Variants in IPCEF1 observed in about 807,000 individuals in gnomAD.
IPCEF1 encodes interaction protein for cytohesin exchange factors 1.
Under a neutral mutation model 50.9 loss-of-function variants are expected in IPCEF1, and 31 were observed. That is an observed-to-expected ratio of 0.61 (90% CI 0.46 to 0.82). The LOEUF (loss-of-function observed/expected upper bound fraction) is 0.82, where lower values mean the gene tolerates loss of function less well. Among genes scored for constraint, IPCEF1 ranks in the 40% least tolerant of loss-of-function variants. The probability of loss-of-function intolerance (pLI) is 0.00; values close to 1 mark genes in which losing one functional copy is unlikely to be tolerated. For synonymous variants in IPCEF1, 181 were observed against 192.0 expected, an observed-to-expected ratio of 0.94 and a Z score of 0.47; for missense variants, 458 against 514.0, an observed-to-expected ratio of 0.89 and a Z score of 1.05.
chr6:154,250,575 T>TGGAAATATACAAAAGACCCAGTA (rs1304879790), intron 3 of IPCEF1, among the ~76,000 whole-genome samples: 1 of 152,184 alleles, frequency 6.6e-6, no homozygotes, highest in East Asian at 1.9e-4. Flanking sequence ...CAAAAACACA[T>TGGAAATATACAAAAGACCCAGTA]GGAAATATAC....
chr6:154,233,491 T>G (rs12213815), intron 5 of IPCEF1, among the ~76,000 whole-genome samples: 1 of 152,188 alleles, frequency 6.6e-6, no homozygotes, highest in African/African-American at 2.4e-5. Context: ...CCAGAGAGAC[T>G]TTTTTCTTAC....
chr6:154,315,483 A>G (rs1783192841), intron 1 of IPCEF1, among the ~76,000 whole-genome samples: 1 of 152,242 alleles, frequency 6.6e-6, no homozygotes, highest in South Asian at 2.1e-4. Flanking sequence ...TATGGAGTTC[A>G]GTGTCAAGAT....
intron 5 of IPCEF1, among the ~76,000 whole-genome samples, chr6:154,225,489 CA>C (rs1177164941): frequency 6.6e-6 from 1 of 152,172 alleles, no homozygotes; most frequent in East Asian, 1.9e-4. Flanking sequence ...AAACCAGACA[CA>C]AAAGCTCATC....
At chr6:154,300,690 C>T (rs926211197) in intron 1 of IPCEF1, among the ~76,000 whole-genome samples, 1 of 152,074 alleles carries the variant, frequency 6.6e-6, no homozygotes, top group Non-Finnish European at 1.5e-5. Flanking sequence ...TCCGCCACCC[C>T]CCAAAAAACA....
intron 6 of IPCEF1, 75 bp downstream of exon 6, chr6:154,223,095 C>G (rs1389008937): frequency 8.5e-7 from 1 of 1,172,740 alleles, no homozygotes; most frequent in Non-Finnish European, 1.3e-6. Flanking sequence ...TTCTAAATCA[C>G]CATATCCCTT....
chr6:154,311,351 C>T (rs1783073324), intron 1 of IPCEF1, among the ~76,000 whole-genome samples: 2 of 152,150 alleles, frequency 1.3e-5, no homozygotes, highest in Non-Finnish European at 2.9e-5. Flanking sequence ...AACCCCTTGC[C>T]TCTTTTAATC....
At chr6:154,163,939 G>A (rs1799224269) in intron 11 of IPCEF1, among the ~76,000 whole-genome samples, 1 of 152,074 alleles carries the variant, frequency 6.6e-6, no homozygotes, top group African/African-American at 2.4e-5. Flanking sequence ...GAAAGCAGAG[G>A]GATTGTTTAT....
intron 3 of IPCEF1, among the ~76,000 whole-genome samples, chr6:154,259,590 T>G (rs1055172176): frequency 2.0e-5 from 3 of 152,158 alleles, no homozygotes; most frequent in African/African-American, 7.2e-5. Context: ...AGGCAGAGGT[T>G]GTGGTGAACC....
intron 2 of IPCEF1, among the ~76,000 whole-genome samples, chr6:154,283,652 T>C (rs902720811): frequency 1.3e-5 from 2 of 152,246 alleles, no homozygotes; most frequent in African/African-American, 4.8e-5. Flanking sequence ...GAATATGTCT[T>C]GTGAAATTTC....
At chr6:154,288,648 C>T (rs1782426225) in intron 2 of IPCEF1, among the ~76,000 whole-genome samples, 1 of 118,062 alleles carries the variant, frequency 8.5e-6, no homozygotes, top group Non-Finnish European at 1.7e-5. Flanking sequence ...GGAGACAGAG[C>T]AAGACTCTGT....
At chr6:154,246,991 C>T (rs112739360) in intron 4 of IPCEF1, 2 of 484,308 alleles carry the variant, frequency 4.1e-6, no homozygotes, top group African/African-American at 2.0e-5. Context: ...TTGTTTCATG[C>T]TTAGAAGGTA....
At chr6:154,266,231 A>G (rs935325596) in intron 2 of IPCEF1, among the ~76,000 whole-genome samples, 1 of 152,028 alleles carries the variant, frequency 6.6e-6, no homozygotes, top group Middle Eastern at 3.4e-3. Flanking sequence ...TAAAAGAAAA[A>G]AAACATAGCC....
intron 10 of IPCEF1, among the ~76,000 whole-genome samples, chr6:154,172,097 C>T (rs1249284316): frequency 6.6e-6 from 1 of 152,080 alleles, no homozygotes; most frequent in Non-Finnish European, 1.5e-5. Context: ...AATTGAGCCA[C>T]TAAAAGAAAA....
chr6:154,162,066 C>T lies in IPCEF1; in HGVS notation c.1105-2026G>A, dbSNP rs546185477. ...ACTTCTCCCAAGTTCCTATTGCCCA[C>T]GAACTACATGGATGCAAATCTATGC... On this transcript the variant is annotated intron_variant, in intron 11 of 11. Transcript: ENST00000367220. Among the ~76,000 whole-genome samples, 163 of 152,312 alleles carry T rather than the reference C, an allele frequency of 1.1e-3. 2 individuals are homozygous for T. Among genetic ancestry groups the T allele is most frequent in the African/African-American group, 3.8e-3 (158 of 41,562 alleles).
chr6:154,345,467 C>G (rs1314547035), intron 1 of IPCEF1, among the ~76,000 whole-genome samples: 1 of 152,064 alleles, frequency 6.6e-6, no homozygotes, highest in Non-Finnish European at 1.5e-5. Context: ...TCCAGGACCA[C>G]GAAGCACCAA....
At chr6:154,176,960 GA>G (rs1175400705) in intron 10 of IPCEF1, among the ~76,000 whole-genome samples, 1 of 152,038 alleles carries the variant, frequency 6.6e-6, no homozygotes, top group African/African-American at 2.4e-5. Context: ...CAATGGAACA[GA>G]ACAGAAGCCT....
intron 1 of IPCEF1, among the ~76,000 whole-genome samples, chr6:154,312,623 G>C (rs1783108311): frequency 6.6e-6 from 1 of 152,092 alleles, no homozygotes; most frequent in South Asian, 2.1e-4. Flanking sequence ...TGGGATTACA[G>C]GTGTGAGCCA....
chr6:154,206,885 G>A (rs565520253), intron 9 of IPCEF1, among the ~76,000 whole-genome samples: 1 of 152,320 alleles, frequency 6.6e-6, no homozygotes, highest in Admixed American at 6.5e-5. Context: ...GGGCAAAATT[G>A]GCAGCAAGAC....
At chr6:154,252,383 C>T (rs1781360029) in intron 3 of IPCEF1, among the ~76,000 whole-genome samples, 3 of 152,170 alleles carry the variant, frequency 2.0e-5, no homozygotes, top group Admixed American at 6.5e-5. Flanking sequence ...AAACAAAGGA[C>T]GAGCTCCTCT....
Sources: gnomAD v4.1 joint callset for allele counts (sites outside exome capture counted in the v4.1 genomes callset) on GRCh38, gnomAD v4.1.1 for gene constraint, MANE v1.5 for transcripts, NCBI Gene and HGNC (gene_info 2026-07-23, HGNC 2026-07-21) for gene names.